The following BTBD16 variants were observed in gnomAD, a reference collection of about 807,000 sequenced individuals.
BTBD16 encodes BTB/POZ domain-containing protein 16.
In BTBD16, 66 loss-of-function variants were observed where a neutral mutation model predicts 67.4. That is an observed-to-expected ratio of 0.98 (90% confidence interval 0.80 to 1.20). The LOEUF is 1.20. Among genes scored for constraint, BTBD16 ranks in the 50% most tolerant of loss-of-function variants. The pLI is 0.00. For synonymous variants in BTBD16, 242 were observed against 236.4 expected (o/e 1.02, Z -0.22); for missense variants, 634 against 616.0 (o/e 1.03, Z -0.31).
At chr10:122,284,870 T>C (rs1284584443) in intron 4 of BTBD16, among the ~76,000 whole-genome samples, 2 of 152,138 alleles carry the variant, frequency 1.3e-5, no homozygotes, top group South Asian at 2.1e-4. Flanking sequence ...CTGCCATGCA[T>C]TGGCCATCCT....
In BTBD16 at chr10:122,297,383, C is replaced by T. The variant is rs191561156; in HGVS notation, c.591-385C>T. 1.6e-3 allele frequency among the ~76,000 whole-genome samples: 251 copies of T among 152,314 alleles called. 2 individuals are homozygous for T. Among genetic ancestry groups the T allele is most frequent in the African/African-American group, 5.4e-3 (225 of 41,576 alleles). On this transcript the variant is annotated intron_variant, in intron 7 of 15. Transcript: ENST00000260723. ...GCACAGAGAGGAATGGGACTTGAGGCCCCTCTGGTGGCACCATAAGGGTCT... is the reference window on the plus strand; with the variant it reads ...GCACAGAGAGGAATGGGACTTGAGGTCCCTCTGGTGGCACCATAAGGGTCT...
chr10:122,275,134 G>C, intron 2 of BTBD16, 35 bp downstream of exon 2: 3 of 1,602,760 alleles, frequency 1.9e-6, no homozygotes, highest in Non-Finnish European at 1.7e-6. Context: ...GGTAGGTGAT[G>C]AGAAGAAGCA....
In BTBD16 at chr10:122,284,353, G is replaced by A. The variant is rs575512600; in HGVS notation, c.241+429G>A. On this transcript the variant is annotated intron_variant, in intron 4 of 15. Transcript: ENST00000260723. ...AATCCCAGCTACTCAGGAGGCTGAC[G>A]CAGGAGAATCACTTGAACCCAGGAG... 3.0e-4 allele frequency among the ~76,000 whole-genome samples: 45 copies of A among 152,152 alleles called. No individual in the cohort carries two copies. In the East Asian group the frequency reaches 8.3e-3, roughly 28 times the overall value.
intron 10 of BTBD16, among the ~76,000 whole-genome samples, chr10:122,312,720 G>C (rs1249793254): frequency 6.6e-6 from 1 of 152,100 alleles, no homozygotes; most frequent in Non-Finnish European, 1.5e-5. Flanking sequence ...ATATTTGTTA[G>C]CCATTGGGTA....
chr10:122,290,935 G>T, intron 6 of BTBD16, 145 bp from the exon 7 acceptor site: 1 of 1,211,292 alleles, frequency 8.3e-7, no homozygotes, highest in Non-Finnish European at 1.1e-6. Flanking sequence ...TCAGCTTCTG[G>T]GCGGTGCCTG....
At chr10:122,315,761 A>G (rs1405695829) in intron 10 of BTBD16, among the ~76,000 whole-genome samples, 2 of 152,158 alleles carry the variant, frequency 1.3e-5, no homozygotes, top group Non-Finnish European at 2.9e-5. Flanking sequence ...TGTACTTTTC[A>G]TCTAAATTGT....
intron 5 of BTBD16, among the ~76,000 whole-genome samples, chr10:122,286,935 G>A (rs559416186): frequency 2.6e-5 from 4 of 152,288 alleles, no homozygotes; most frequent in South Asian, 4.2e-4. Flanking sequence ...CAGGTGCCAC[G>A]GAAAATTCGA....
At chr10:122,328,720 C>T (rs2096449729) in intron 10 of BTBD16, 1 of 980,318 alleles carries the variant, frequency 1.0e-6, no homozygotes, top group East Asian at 1.1e-4. Flanking sequence ...TCCCCATTGT[C>T]CCCATTTATG....
chr10:122,285,317 C>T (rs1456483802), intron 4 of BTBD16, among the ~76,000 whole-genome samples: 1 of 152,170 alleles, frequency 6.6e-6, no homozygotes, highest in Admixed American at 6.5e-5. Flanking sequence ...GCCATCTGCC[C>T]TCCTCTATCA....
chr10:122,336,557 C>G lies in BTBD16; in HGVS notation c.1327C>G (p.Arg443Gly). The change falls in exon 15 of 16, where the codon CGA becomes GGA. Residue 443 changes from arginine to glycine, a missense_variant. Arg to Gly is a moderately radical substitution (Grantham distance 125, BLOSUM62 -2). Coordinates refer to ENST00000260723, the MANE Select transcript of BTBD16 (RefSeq NM_144587.5). ...AVYEHNHVSL[R>G]AARLVKYEIR... Reference sequence around the variant, plus strand: ...CTACGAGCACAACCACGTCAGCCTGCGAGCGGCACGCCTGGTGAAGTATGA... The same window carrying G: ...CTACGAGCACAACCACGTCAGCCTGGGAGCGGCACGCCTGGTGAAGTATGA... 1.2e-6 allele frequency: 2 copies of G among 1,612,574 alleles called. No homozygotes were observed. The highest frequency in any genetic ancestry group is 8.5e-7 in the Non-Finnish European group (1 of 1,179,498).
chr10:122,328,089 G>C (rs1223834959), intron 10 of BTBD16, among the ~76,000 whole-genome samples: 1 of 152,230 alleles, frequency 6.6e-6, no homozygotes, highest in Non-Finnish European at 1.5e-5. Context: ...GCCCAGCCAT[G>C]ATGACGCCTC....
At chr10:122,297,275 T>G (rs956753940) in intron 7 of BTBD16, among the ~76,000 whole-genome samples, 1 of 152,168 alleles carries the variant, frequency 6.6e-6, no homozygotes, top group Admixed American at 6.5e-5. Context: ...AGATCCTTCA[T>G]GGGTGGGTGA....
chr10:122,299,137 C>T lies in BTBD16; in HGVS notation c.791+3C>T, dbSNP rs1458319096. 6.2e-7 allele frequency: 1 copy of T among 1,613,426 alleles called. No individual in the cohort carries two copies. The highest frequency in any genetic ancestry group is 2.2e-5 in the East Asian group (1 of 44,856). On this transcript the variant is annotated splice_donor_region_variant and intron_variant, in intron 9 of 15. Transcript: ENST00000260723. ...CACAAAGTGCTGAAGTCCCCCAGGT[C>T]AGAGCTGGCTCCCAGGGTGCGGCCC...
chr10:122,291,002 A>C (rs1260823381), intron 6 of BTBD16, 78 bp from the exon 7 acceptor site: 36 of 1,425,454 alleles, frequency 2.5e-5, no homozygotes, highest in Non-Finnish European at 3.2e-5. Context: ...GCCCAGCTGC[A>C]GGAGTGAGGG....
chr10:122,303,589 G>T, intron 9 of BTBD16: 1 of 400,510 alleles, frequency 2.5e-6, no homozygotes, highest in Non-Finnish European at 3.4e-6. Flanking sequence ...TACTCACATG[G>T]TCATGGCTTT....
Position 122,275,098 on chromosome 10 carries a change from C to T in BTBD16, c.17C>T (p.Thr6Met), listed in dbSNP as rs202065129. 36 of 1,613,726 alleles carry T rather than the reference C, an allele frequency of 2.2e-5. No homozygotes were observed. Among genetic ancestry groups the T allele is most frequent in the African/African-American group, 4.0e-5 (3 of 74,994 alleles). The stretch of plus-strand genomic sequence containing the variant: ...CTTTCATTCATGATAATGTCGAACA[C>T]GGTGAGTAGATCAGTTTCTCAAGAA... MIMSN[T>M]HKARLERRVT... The change falls in exon 2 of 16, where the codon ACG becomes ATG. Residue 6 changes from threonine (T) to methionine (M), a missense_variant and splice_region_variant. Coordinates refer to ENST00000260723, the MANE Select transcript of BTBD16 (RefSeq NM_144587.5).
At chr10:122,320,801 CTT>C (rs1256117860) in intron 10 of BTBD16, among the ~76,000 whole-genome samples, 4 of 152,064 alleles carry the variant, frequency 2.6e-5, no homozygotes, top group Admixed American at 1.3e-4. Flanking sequence ...TATGATCTCT[CTT>C]GGTAAAAATT....
chr10:122,320,879 TA>T (rs1045833430), intron 10 of BTBD16, among the ~76,000 whole-genome samples: 5 of 152,170 alleles, frequency 3.3e-5, no homozygotes, highest in African/African-American at 9.7e-5. Context: ...ATTTCAGATT[TA>T]GGGGGTACAT....
At chr10:122,305,697 A>T (rs2142091014) in intron 9 of BTBD16, among the ~76,000 whole-genome samples, 1 of 152,332 alleles carries the variant, frequency 6.6e-6, no homozygotes, top group Admixed American at 6.5e-5. Context: ...ACAACAGAAC[A>T]GTACAACCCT....
Sources: allele counts gnomAD v4.1 joint callset (sites outside exome capture counted in the v4.1 genomes callset), GRCh38; gene constraint gnomAD v4.1.1; transcripts MANE v1.5; gene names NCBI Gene and HGNC (gene_info 2026-07-23, HGNC 2026-07-21).